Variants in HK2 observed in about 807,000 individuals in gnomAD.
HK2 encodes the protein hexokinase-2.
Under a neutral mutation model 92.9 loss-of-function variants are expected in HK2, and 42 were observed. The ratio of observed to expected loss-of-function variants is 0.45; its 90% confidence interval spans 0.35 to 0.58. HK2 has a LOEUF of 0.58. HK2 is among the 20% of genes least tolerant of loss of function. HK2 has a pLI of 0.00. For missense variants in HK2, 978 were observed against 1,245.1 expected, an observed-to-expected ratio of 0.79 and a Z score of 3.23; for synonymous variants, 422 against 468.0, an observed-to-expected ratio of 0.90 and a Z score of 1.27.
Position 74,881,759 on chromosome 2 carries a change from T to C in HK2, c.1619T>C (p.Val540Ala), listed in dbSNP as rs1296746850. ...ALDLGGTNFR[V>A]LLVRVRNGKW... ...GACCTTGGAGGAACAAATTTCCGGG[T>C]CCTGCTGGTCCGTGTTCGGAATGGG... Residue 540 changes from valine (V) to alanine (A), a missense_variant, in exon 11 of 18, where the codon GTC (valine) becomes GCC (alanine). Coordinates refer to ENST00000290573, the MANE Select transcript of HK2 (RefSeq NM_000189.5). 1 of 1,614,060 alleles carries C rather than the reference T, an allele frequency of 6.2e-7. No individual in the cohort carries two copies. The highest frequency in any genetic ancestry group is 8.5e-7 in the Non-Finnish European group (1 of 1,180,040).
intron 3 of HK2, among the ~76,000 whole-genome samples, chr2:74,868,090 C>T (rs541472705): frequency 2.0e-5 from 3 of 152,314 alleles, no homozygotes; most frequent in African/African-American, 4.8e-5. Context: ...CCCTCTGATT[C>T]GTGGTCGGCT....
rs967292983 is a variant in HK2, at chr2:74,869,016, GTTC to G, written c.375+1238_375+1240del. Among the ~76,000 whole-genome samples, 3 of 151,788 alleles carry G rather than the reference GTTC, an allele frequency of 2.0e-5. 1 individual carries two copies. Among genetic ancestry groups the G allele is most frequent in the Non-Finnish European group, 2.9e-5 (2 of 67,996 alleles). Reference sequence around the variant, plus strand: ...TTTAAACATTCAAGATGTGAGTGAAGTTCTTCTTGAAAAAAGCTTAAAATTGCT... The same window carrying G: ...TTTAAACATTCAAGATGTGAGTGAAGTTCTTGAAAAAAGCTTAAAATTGCT... On this transcript the variant is annotated intron_variant, in intron 3 of 17. Transcript: ENST00000290573.
chr2:74,871,282 G>A (rs972722960), intron 3 of HK2, among the ~76,000 whole-genome samples: 6 of 152,144 alleles, frequency 3.9e-5, no homozygotes, highest in African/African-American at 9.7e-5. Context: ...TGGTTTAGTC[G>A]AATCTTCTTG....
intron 1 of HK2, among the ~76,000 whole-genome samples, chr2:74,839,794 A>G (rs1573350582): frequency 6.6e-6 from 1 of 151,060 alleles, no homozygotes; most frequent in African/African-American, 2.4e-5. Context: ...AGTAGCTGGG[A>G]CTACAGGTGC....
intron 3 of HK2, among the ~76,000 whole-genome samples, chr2:74,869,996 CTTTTCTTTTTT>C (rs1161205439): frequency 4.4e-5 from 6 of 137,154 alleles, no homozygotes; most frequent in African/African-American, 1.7e-4. Flanking sequence ...TTTTTCTTTT[CTTTTCTTTTTT>C]TTTTTTTTTT....
At chr2:74,854,814 A>G (rs1049285562) in intron 2 of HK2, among the ~76,000 whole-genome samples, 2 of 152,188 alleles carry the variant, frequency 1.3e-5, no homozygotes, top group Admixed American at 1.3e-4. Context: ...CGTGGCCACA[A>G]CTGTAGGCCG....
At chr2:74,886,247 A>G in intron 13 of HK2, 47 bp from the exon 14 acceptor site, 1 of 1,326,468 alleles carries the variant, frequency 7.5e-7, no homozygotes, top group Non-Finnish European at 1.1e-6. Context: ...TGAAAGGAGA[A>G]TATTGGGGTT....
intron 3 of HK2, 83 bp downstream of exon 3, chr2:74,867,867 A>C (rs1688997856): frequency 1.3e-6 from 2 of 1,520,754 alleles, no homozygotes; most frequent in Non-Finnish European, 9.1e-7. Flanking sequence ...AGCCGCTCCC[A>C]GCGTGTGGAT....
Position 74,854,465 on chromosome 2 carries a change from C to G in HK2, c.226+10C>G, listed in dbSNP as rs751199172. On this transcript the variant is annotated intron_variant, in intron 2 of 17. Coordinates refer to ENST00000290573, the MANE Select transcript of HK2 (RefSeq NM_000189.5). ...ACTCCAGATGGGACAGGTACTGCAT[C>G]TGGGGGATGGCTCTAGCTGCTGCGT... 1 of 1,614,080 alleles carries G rather than the reference C, an allele frequency of 6.2e-7. No individual in the cohort carries two copies. The highest frequency in any genetic ancestry group is 8.5e-7 in the Non-Finnish European group (1 of 1,179,954).
intron 9 of HK2, among the ~76,000 whole-genome samples, chr2:74,879,337 C>T (rs1689323028): frequency 6.6e-6 from 1 of 152,296 alleles, no homozygotes; most frequent in East Asian, 1.9e-4. Context: ...CTGCCCTGTC[C>T]ACATTTTGAT....
At chr2:74,851,332 A>G (rs1343190130) in intron 1 of HK2, among the ~76,000 whole-genome samples, 3 of 152,234 alleles carry the variant, frequency 2.0e-5, no homozygotes, top group African/African-American at 7.2e-5. Flanking sequence ...TAGCCGCTGT[A>G]ACCATCACCC....
chr2:74,877,089 G>T (rs1324398961), intron 7 of HK2, 77 bp from the exon 8 acceptor site: 2 of 1,578,120 alleles, frequency 1.3e-6, no homozygotes, highest in African/African-American at 1.3e-5. Context: ...GCACGTGTGC[G>T]CATCTTGCTT....
chr2:74,839,339 C>T (rs1318526306), intron 1 of HK2, among the ~76,000 whole-genome samples: 1 of 152,094 alleles, frequency 6.6e-6, no homozygotes, highest in Non-Finnish European at 1.5e-5. Flanking sequence ...CATTAGTCCG[C>T]ACGTATGGGA....
chr2:74,850,130 G>A (rs909086461), intron 1 of HK2, among the ~76,000 whole-genome samples: 3 of 152,200 alleles, frequency 2.0e-5, no homozygotes, highest in Non-Finnish European at 4.4e-5. Context: ...GGCCAACCAC[G>A]ATCACGTTAT....
chr2:74,855,792 C>T (rs1688682128), intron 2 of HK2, among the ~76,000 whole-genome samples: 1 of 152,102 alleles, frequency 6.6e-6, no homozygotes. Context: ...GCTGGTAGAG[C>T]ACAAGACATG....
chr2:74,873,732 G>A, intron 5 of HK2, 112 bp from the exon 6 acceptor site: 2 of 719,738 alleles, frequency 2.8e-6, no homozygotes, highest in South Asian at 1.5e-5. Flanking sequence ...GGGAGGGAGG[G>A]GGGAGAGAGA....
Position 74,872,388 on chromosome 2 carries a change from C to T in HK2, c.464C>T (p.Ser155Leu), listed in dbSNP as rs1689118126. ...AAGCTCCCACTGGGTTTTACCTTCTCGTTCCCCTGCCACCAGACTAAACTA... is the reference window on the plus strand; with the variant it reads ...AAGCTCCCACTGGGTTTTACCTTCTTGTTCCCCTGCCACCAGACTAAACTA... ...DKKLPLGFTF[S>L]FPCHQTKLDE... The change falls in exon 4 of 18, where the codon TCG becomes TTG. Residue 155 changes from serine to leucine, a missense_variant. By Grantham distance (145) the Ser-to-Leu change is moderately radical. Coordinates refer to ENST00000290573, the MANE Select transcript of HK2 (RefSeq NM_000189.5). 9 of 1,614,144 alleles carry T rather than the reference C, an allele frequency of 5.6e-6. No homozygotes were observed. The highest frequency in any genetic ancestry group is 1.1e-5 in the South Asian group (1 of 91,070).
At chr2:74,848,562 C>A (rs974995949) in intron 1 of HK2, among the ~76,000 whole-genome samples, 8 of 152,146 alleles carry the variant, frequency 5.3e-5, no homozygotes, top group Admixed American at 5.2e-4. Flanking sequence ...GCTGGGGTTG[C>A]AACAGTAGTC....
chr2:74,864,170 C>G (rs528523390), intron 2 of HK2, among the ~76,000 whole-genome samples: 45 of 152,304 alleles, frequency 3.0e-4, no homozygotes, highest in African/African-American at 1.1e-3. Context: ...TTGTGCTATC[C>G]CAGCCCTCCA....
Sources: allele counts gnomAD v4.1 joint callset (sites outside exome capture counted in the v4.1 genomes callset), GRCh38; gene constraint gnomAD v4.1.1; transcripts MANE v1.5; gene names NCBI Gene and HGNC (gene_info 2026-07-23, HGNC 2026-07-21).